Variants in CNTN6 observed in about 807,000 individuals in gnomAD.
CNTN6 encodes contactin-6.
A neutral mutation model predicts 122.8 loss-of-function variants in CNTN6; 137 were observed. That is an observed-to-expected ratio of 1.12 (90% CI 0.97 to 1.29). CNTN6 has a LOEUF of 1.29. CNTN6 is among the 50% of genes most tolerant of loss of function. CNTN6 has a pLI of 0.00. For synonymous variants in CNTN6, 570 were observed against 426.0 expected (o/e 1.34, Z -4.16); for missense variants, 1,634 against 1,223.4 (o/e 1.34, Z -5.01).
At chr3:1,294,469 G>A (rs773928300) in intron 5 of CNTN6, among the ~76,000 whole-genome samples, 1 of 152,158 alleles carries the variant, frequency 6.6e-6, no homozygotes, top group Non-Finnish European at 1.5e-5. Flanking sequence ...TGAAGACCTG[G>A]AAATCTTCCT....
intron 12 of CNTN6, among the ~76,000 whole-genome samples, chr3:1,364,899 C>T (rs907228315): frequency 6.6e-6 from 1 of 151,680 alleles, no homozygotes; most frequent in Non-Finnish European, 1.5e-5. Flanking sequence ...ACTTTTAGCT[C>T]ACTGACAGAG....
chr3:1,201,882 T>C (rs549671514), intron 2 of CNTN6, among the ~76,000 whole-genome samples: 2 of 151,200 alleles, frequency 1.3e-5, no homozygotes, highest in East Asian at 3.9e-4. Context: ...GGATTAAAAA[T>C]TGATGGGATA....
rs557632860 is a variant in CNTN6, at chr3:1,396,896, G to GT, written c.2705-4536dup. Among the ~76,000 whole-genome samples, 19 of 152,242 alleles carry GT rather than the reference G, an allele frequency of 1.2e-4. 2 individuals carry two copies. The South Asian group carries it at 3.1e-3, about 25-fold the overall frequency. On this transcript the variant is annotated intron_variant, in intron 20 of 22. Coordinates refer to ENST00000446702, the MANE Select transcript of CNTN6 (RefSeq NM_001289080.2). ...ACATCAAGATTACCTCTCAATAGTG[G>GT]TGACTGAAAAAATTCTGCATTCAGC...
chr3:1,117,613 T>A (rs1261179430), intron 1 of CNTN6, among the ~76,000 whole-genome samples: 1 of 152,204 alleles, frequency 6.6e-6, no homozygotes, highest in Non-Finnish European at 1.5e-5. Context: ...TGCATTTAAG[T>A]TCACCTGCAG....
intron 1 of CNTN6, among the ~76,000 whole-genome samples, chr3:1,142,306 C>CA (rs1315072271): frequency 6.6e-6 from 1 of 151,800 alleles, no homozygotes; most frequent in Non-Finnish European, 1.5e-5. Flanking sequence ...TATAACCTCA[C>CA]TGTCACAGCA....
intron 7 of CNTN6, among the ~76,000 whole-genome samples, chr3:1,300,213 G>T (rs1696964568): frequency 6.6e-6 from 1 of 151,958 alleles, no homozygotes; most frequent in African/African-American, 2.4e-5. Context: ...GTCTCGATCT[G>T]CTGACCTCGT....
At chr3:1,245,277 ACACACATATATATAT>A (rs2094558902) in intron 4 of CNTN6, among the ~76,000 whole-genome samples, 1 of 4,622 alleles carries the variant, frequency 2.2e-4, no homozygotes, top group Non-Finnish European at 3.6e-4. Context: ...ATATATATAC[ACACACATATATATAT>A]AACATATATA....
chr3:1,138,862 T>C (rs1418164088), intron 1 of CNTN6, among the ~76,000 whole-genome samples: 2 of 152,060 alleles, frequency 1.3e-5, no homozygotes, highest in African/African-American at 4.8e-5. Flanking sequence ...TATATCTATT[T>C]GTATGTATGC....
intron 5 of CNTN6, among the ~76,000 whole-genome samples, chr3:1,290,835 AG>A (rs1441154678): frequency 3.3e-5 from 5 of 152,204 alleles, no homozygotes; most frequent in Non-Finnish European, 7.3e-5. Context: ...GGACAGCCAG[AG>A]GTCACTCTCA....
chr3:1,334,333 A>G (rs1326496720), intron 11 of CNTN6, among the ~76,000 whole-genome samples: 2 of 151,790 alleles, frequency 1.3e-5, no homozygotes, highest in Admixed American at 6.6e-5. Flanking sequence ...TCTATCACTG[A>G]TAAGTGGCGT....
chr3:1,102,233 G>C (rs2090938423), intron 1 of CNTN6, among the ~76,000 whole-genome samples: 1 of 152,136 alleles, frequency 6.6e-6, no homozygotes, highest in African/African-American at 2.4e-5. Context: ...GTTGTGTAAG[G>C]AGCTCTATAT....
At chr3:1,102,628 T>G (rs999269213) in intron 1 of CNTN6, among the ~76,000 whole-genome samples, 10 of 149,216 alleles carry the variant, frequency 6.7e-5, no homozygotes, top group South Asian at 4.3e-4. Flanking sequence ...CTCGGGAGGC[T>G]GAGGCAGGAG....
intron 2 of CNTN6, among the ~76,000 whole-genome samples, chr3:1,199,340 C>T (rs902853613): frequency 1.3e-5 from 2 of 151,890 alleles, no homozygotes; most frequent in Non-Finnish European, 2.9e-5. Context: ...CCACCATGCC[C>T]AGCTAATTTT....
chr3:1,122,115 A>C (rs1482438668), intron 1 of CNTN6, among the ~76,000 whole-genome samples: 1 of 152,006 alleles, frequency 6.6e-6, no homozygotes, highest in Non-Finnish European at 1.5e-5. Context: ...CAGTAAAATG[A>C]ATGTAAAAAC....
At chr3:1,392,963 T>C (rs1488540482) in intron 20 of CNTN6, among the ~76,000 whole-genome samples, 6 of 98,766 alleles carry the variant, frequency 6.1e-5, no homozygotes, top group African/African-American at 1.6e-4. Flanking sequence ...TTGGTGGGAC[T>C]GTAAACTAGT....
chr3:1,147,083 A>G (rs2092738752), intron 1 of CNTN6, among the ~76,000 whole-genome samples: 1 of 152,088 alleles, frequency 6.6e-6, no homozygotes, highest in African/African-American at 2.4e-5. Flanking sequence ...AAGAAATAAA[A>G]ATTTTATTAT....
chr3:1,383,198 T>TTTTC, intron 18 of CNTN6, 22 bp downstream of exon 18: 4 of 1,605,456 alleles, frequency 2.5e-6, no homozygotes, highest in East Asian at 4.5e-5. Flanking sequence ...TCAACTCTGG[T>TTTTC]TTTCTTTGAG....
intron 20 of CNTN6, among the ~76,000 whole-genome samples, chr3:1,388,358 GT>G (rs750270620): frequency 2.0e-5 from 3 of 148,350 alleles, no homozygotes; most frequent in African/African-American, 7.4e-5. Flanking sequence ...GGTCCTGTCT[GT>G]TAGAAGGAAA....
chr3:1,177,645 C>T (rs1177921031), intron 2 of CNTN6, among the ~76,000 whole-genome samples: 1 of 152,078 alleles, frequency 6.6e-6, no homozygotes, highest in African/African-American at 2.4e-5. Context: ...TTGAAAGATA[C>T]TTTCACTGGG....
Sources: allele counts gnomAD v4.1 joint callset (sites outside exome capture counted in the v4.1 genomes callset), GRCh38; gene constraint gnomAD v4.1.1; transcripts MANE v1.5; gene names NCBI Gene and HGNC (gene_info 2026-07-23, HGNC 2026-07-21).